The following EML4 variants were observed in gnomAD, a reference collection of about 807,000 sequenced individuals.
EML4 encodes EMAP like 4, also known as echinoderm microtubule-associated protein-like 4.
EML4 carries 72 observed loss-of-function variants against 129.0 expected under a neutral mutation model. That is an observed-to-expected ratio of 0.56 (90% CI 0.46 to 0.68). The LOEUF is 0.68. Ranked by LOEUF, EML4 falls within the 30% of genes least tolerant of loss-of-function variation. The probability of loss-of-function intolerance (pLI) is 0.00; values close to 1 mark genes in which losing one functional copy is unlikely to be tolerated. For synonymous variants in EML4, 532 were observed against 405.0 expected (o/e 1.31, Z -3.77); for missense variants, 1,363 against 1,190.6 (o/e 1.14, Z -2.13).
At chr2:42,231,464 C>G (rs1234180213) in intron 1 of EML4, among the ~76,000 whole-genome samples, 1 of 152,182 alleles carries the variant, frequency 6.6e-6, no homozygotes, top group Non-Finnish European at 1.5e-5. Context: ...TCAGCAGATC[C>G]AAAACCACAC....
chr2:42,230,897 C>T (rs1257323205), intron 1 of EML4, among the ~76,000 whole-genome samples: 3 of 152,244 alleles, frequency 2.0e-5, no homozygotes, highest in Admixed American at 1.3e-4. Flanking sequence ...ACATCTCTAA[C>T]GCTGGAGCTC....
At chr2:42,241,039 TC>T (rs1420698645) in intron 1 of EML4, among the ~76,000 whole-genome samples, 2 of 151,960 alleles carry the variant, frequency 1.3e-5, no homozygotes, top group African/African-American at 4.8e-5. Context: ...TCCCAGCTAC[TC>T]CGAGCCTCAG....
intron 1 of EML4, among the ~76,000 whole-genome samples, chr2:42,234,867 T>A (rs1338905525): frequency 6.6e-6 from 1 of 152,202 alleles, no homozygotes; most frequent in Non-Finnish European, 1.5e-5. Flanking sequence ...TCAAAAACAA[T>A]TATCTAGGCC....
In EML4 at chr2:42,325,598, ATATT is replaced by A. The variant is rs67460614; in HGVS notation, c.2242+48_2242+51del. The A allele has an allele frequency of 6.4e-3, 831 of 130,714 alleles. 60 individuals carry two copies. Among genetic ancestry groups the A allele is most frequent in the Admixed American group, 9.0e-3 (60 of 6,638 alleles). 8.1% of individuals were successfully genotyped at this position (130,714 alleles called of 1,614,324 possible). On this transcript the variant is annotated intron_variant, in intron 20 of 22. Transcript: ENST00000318522. ...ATATATATATATATATGCTATGATT[ATATT>A]TATATATATATATATATATATATAT...
intron 1 of EML4, among the ~76,000 whole-genome samples, chr2:42,210,365 A>C (rs911274548): frequency 1.3e-5 from 2 of 152,204 alleles, no homozygotes; most frequent in South Asian, 2.1e-4. Context: ...GAGGAAGACC[A>C]CAGAGGGAAA....
chr2:42,253,753 C>T (rs981177741), intron 2 of EML4, among the ~76,000 whole-genome samples: 2 of 152,146 alleles, frequency 1.3e-5, no homozygotes, highest in Admixed American at 6.5e-5. Flanking sequence ...AATACCTTGA[C>T]TCTCACCTCA....
At position 42,331,302 on chromosome 2, in the gene EML4, C is replaced by G. The variant is rs1670087409; in HGVS notation, c.*1095C>G. The G allele has an allele frequency of 4.5e-6, 1 of 223,230 alleles. No individual in the cohort carries two copies. The highest frequency in any genetic ancestry group is 1.8e-4 in the South Asian group (1 of 5,430). 13.8% of individuals were successfully genotyped at this position (223,230 alleles called of 1,614,324 possible). ...TTTTACCAACAGCATACTTAACAGA[C>G]TTGCTGTGTAGCAGTTTTTTTCTGG... On this transcript the variant is annotated 3_prime_UTR_variant, in exon 23 of 23. Coordinates refer to ENST00000318522, the MANE Select transcript of EML4 (RefSeq NM_019063.5).
intron 1 of EML4, among the ~76,000 whole-genome samples, chr2:42,227,977 T>A (rs1453711619): frequency 6.6e-6 from 1 of 152,136 alleles, no homozygotes; most frequent in Non-Finnish European, 1.5e-5. Context: ...CCCAACACTT[T>A]GGGAGGCCAA....
At chr2:42,215,423 C>G (rs1035370201) in intron 1 of EML4, among the ~76,000 whole-genome samples, 1 of 152,088 alleles carries the variant, frequency 6.6e-6, no homozygotes, top group African/African-American at 2.4e-5. Context: ...AATCCAACTA[C>G]TTTAATATTT....
intron 6 of EML4, among the ~76,000 whole-genome samples, chr2:42,270,518 T>C (rs1666306540): frequency 1.3e-5 from 2 of 152,208 alleles, no homozygotes; most frequent in Admixed American, 1.3e-4. Flanking sequence ...TTATGTTTTC[T>C]GACCTTTTGG....
At chr2:42,314,549 T>G (rs1450480273) in intron 17 of EML4, among the ~76,000 whole-genome samples, 1 of 152,228 alleles carries the variant, frequency 6.6e-6, no homozygotes, top group African/African-American at 2.4e-5. Flanking sequence ...TTTTCTAGTC[T>G]TGTCCTGTTT....
At chr2:42,192,409 T>C (rs1245354901) in intron 1 of EML4, among the ~76,000 whole-genome samples, 3 of 151,816 alleles carry the variant, frequency 2.0e-5, no homozygotes, top group Non-Finnish European at 4.4e-5. Flanking sequence ...CTGGGTAATT[T>C]TTATATTTTT....
At chr2:42,298,218 C>T (rs1356127114) in intron 13 of EML4, among the ~76,000 whole-genome samples, 18 of 152,174 alleles carry the variant, frequency 1.2e-4, no homozygotes, top group Non-Finnish European at 4.4e-5. Context: ...ATTTCAAAGT[C>T]TCCCTAATAT....
intron 6 of EML4, among the ~76,000 whole-genome samples, chr2:42,274,074 G>A (rs1428907385): frequency 6.6e-6 from 1 of 152,106 alleles, no homozygotes; most frequent in Non-Finnish European, 1.5e-5. Flanking sequence ...TAGCATTTTG[G>A]TTGTCCTTTT....
At chr2:42,214,507 ATATT>A (rs1673065012) in intron 1 of EML4, among the ~76,000 whole-genome samples, 1 of 152,072 alleles carries the variant, frequency 6.6e-6, no homozygotes, top group Non-Finnish European at 1.5e-5. Context: ...TTTGGGCTAA[ATATT>A]TAGTGATTAA....
At chr2:42,210,101 A>G (rs1321350857) in intron 1 of EML4, among the ~76,000 whole-genome samples, 2 of 152,208 alleles carry the variant, frequency 1.3e-5, no homozygotes, top group African/African-American at 2.4e-5. Flanking sequence ...TTAAAACCCA[A>G]TAACACATTG....
chr2:42,323,536 G>A (rs1453280511), intron 19 of EML4, among the ~76,000 whole-genome samples: 2 of 152,110 alleles, frequency 1.3e-5, no homozygotes, highest in Admixed American at 1.3e-4. Flanking sequence ...GAAAGGTTTG[G>A]GGACACATCG....
At chr2:42,227,501 C>G (rs1295954052) in intron 1 of EML4, among the ~76,000 whole-genome samples, 1 of 149,678 alleles carries the variant, frequency 6.7e-6, no homozygotes, top group Non-Finnish European at 1.5e-5. Flanking sequence ...TAAACCACCC[C>G]TCTTCCACAA....
intron 1 of EML4, among the ~76,000 whole-genome samples, chr2:42,229,819 A>G (rs1239506927): frequency 6.6e-6 from 1 of 152,124 alleles, no homozygotes; most frequent in African/African-American, 2.4e-5. Context: ...ACTGATAGGA[A>G]TAACAAAAAT....
Sources: allele counts gnomAD v4.1 joint callset (sites outside exome capture counted in the v4.1 genomes callset), GRCh38; gene constraint gnomAD v4.1.1; transcripts MANE v1.5; gene names NCBI Gene and HGNC (gene_info 2026-07-23, HGNC 2026-07-21).